Variants in ZC3H11A observed in about 807,000 individuals in gnomAD.
ZC3H11A encodes zinc finger CCCH-type containing 11A.
In ZC3H11A, 22 loss-of-function variants were observed where a neutral mutation model predicts 90.8. That is an observed-to-expected ratio of 0.24 (90% CI 0.17 to 0.35). The LOEUF is 0.35. Ranked by LOEUF, ZC3H11A falls within the 10% of genes least tolerant of loss-of-function variation. ZC3H11A has a pLI of 1.00. For synonymous variants in ZC3H11A, 294 were observed against 339.8 expected, an observed-to-expected ratio of 0.87 and a Z score of 1.48; for missense variants, 701 against 964.9, an observed-to-expected ratio of 0.73 and a Z score of 3.62.
At chr1:203,848,276 T>C in intron 13 of ZC3H11A, 55 bp from the exon 14 acceptor site, 2 of 1,428,396 alleles carry the variant, frequency 1.4e-6, no homozygotes, top group Non-Finnish European at 1.9e-6. Flanking sequence ...AACATATCTA[T>C]CATGAAGTTG....
chr1:203,826,653 G>T (rs1202212549), intron 4 of ZC3H11A, among the ~76,000 whole-genome samples: 1 of 152,032 alleles, frequency 6.6e-6, no homozygotes, highest in Non-Finnish European at 1.5e-5. Context: ...AATGGTTATT[G>T]TTTCTCTGTC....
intron 2 of ZC3H11A, among the ~76,000 whole-genome samples, chr1:203,809,434 C>T (rs1673586908): frequency 6.6e-6 from 1 of 151,982 alleles, no homozygotes; most frequent in South Asian, 2.1e-4. Context: ...CTCCGAAATC[C>T]CAGGTTGCTG....
chr1:203,805,870 A>C, intron 2 of ZC3H11A: 1 of 848,834 alleles, frequency 1.2e-6, no homozygotes, highest in Non-Finnish European at 2.0e-6. Context: ...CATGTCCACT[A>C]GCTGGTCTTG....
chr1:203,797,525 G>C, intron 1 of ZC3H11A: 1 of 1,496,618 alleles, frequency 6.7e-7, no homozygotes, highest in Non-Finnish European at 8.8e-7. Flanking sequence ...TAAAGAGAAT[G>C]AGTGTATGTA....
chr1:203,799,853 T>G (rs1243326520), intron 1 of ZC3H11A: 1 of 1,532,992 alleles, frequency 6.5e-7, no homozygotes, highest in African/African-American at 1.4e-5. Context: ...TTAAAAACAG[T>G]TTGGAAGACT....
chr1:203,817,285 T>G (rs192096361), intron 3 of ZC3H11A, among the ~76,000 whole-genome samples, 161 bp downstream of exon 3: 67 of 152,302 alleles, frequency 4.4e-4, no homozygotes, highest in Middle Eastern at 3.4e-3. Context: ...TTAGGGTAAT[T>G]CAGTGTTTTT....
chr1:203,831,782 G>T lies in ZC3H11A; in HGVS notation c.811+11G>T. 6.2e-7 allele frequency: 1 copy of T among 1,603,742 alleles called. No individual in the cohort carries two copies. Among genetic ancestry groups the T allele is most frequent in the Non-Finnish European group, 8.5e-7 (1 of 1,172,948 alleles). ...TCTCCACCAAACAAGGTAAGGTATA[G>T]ATAGGTCTTAGAGTTGTCAAGCCTC... On this transcript the variant is annotated intron_variant, in intron 9 of 17. Transcript: ENST00000367210.
intron 1 of ZC3H11A, chr1:203,796,351 T>G (rs1445307666): frequency 2.5e-6 from 1 of 398,514 alleles, no homozygotes; most frequent in African/African-American, 2.1e-5. Context: ...CCGACCTTAT[T>G]CCGGTATCCT....
intron 9 of ZC3H11A, among the ~76,000 whole-genome samples, chr1:203,833,539 A>AAAT (rs528391252): frequency 6.6e-6 from 1 of 151,476 alleles, no homozygotes; most frequent in African/African-American, 2.4e-5. Context: ...ATTATTATCA[A>AAAT]AATAATAATA....
chr1:203,796,410 C>T lies in ZC3H11A; in HGVS notation c.-1588+616C>T, dbSNP rs574221779. On this transcript the variant is annotated intron_variant, in intron 1 of 17. Transcript: ENST00000367210. ...CACTCCCACCCCTGGCCCTCAGCGTCGGAGTCAAGAGCAACAGGGACACTT... is the reference window on the plus strand; with the variant it reads ...CACTCCCACCCCTGGCCCTCAGCGTTGGAGTCAAGAGCAACAGGGACACTT... The T allele has an allele frequency of 1.5e-4, 61 of 399,090 alleles. 1 individual carries two copies. In the South Asian group the frequency reaches 4.8e-3, roughly 32 times the overall value. The allele number at this position is 399,090 out of a possible 1,614,324, so 24.7% of individuals were successfully genotyped here.
At chr1:203,831,950 C>T (rs547368471) in intron 9 of ZC3H11A, among the ~76,000 whole-genome samples, 179 bp downstream of exon 9, 5 of 152,302 alleles carry the variant, frequency 3.3e-5, no homozygotes, top group Non-Finnish European at 7.4e-5. Flanking sequence ...GGTTGAAATT[C>T]TTTGTCAAGC....
At chr1:203,796,437 C>T (rs1278309950) in intron 1 of ZC3H11A, 2 of 398,998 alleles carry the variant, frequency 5.0e-6, no homozygotes, top group African/African-American at 2.1e-5. Context: ...GGGACACTTC[C>T]GTTCTCCTTG....
At chr1:203,814,266 G>A (rs1342548511) in intron 2 of ZC3H11A, among the ~76,000 whole-genome samples, 1 of 152,180 alleles carries the variant, frequency 6.6e-6, no homozygotes, top group Non-Finnish European at 1.5e-5. Flanking sequence ...GCTCACACCT[G>A]TAATCCCAGC....
intron 1 of ZC3H11A, chr1:203,798,111 G>A (rs1343284470): frequency 3.9e-6 from 6 of 1,536,138 alleles, no homozygotes; most frequent in Non-Finnish European, 4.4e-6. Context: ...TAGTGGAGAG[G>A]AGGACTTTAC....
At chr1:203,828,914 ATAATC>A (rs570430201) in intron 5 of ZC3H11A, among the ~76,000 whole-genome samples, 1 of 152,234 alleles carries the variant, frequency 6.6e-6, no homozygotes, top group Non-Finnish European at 1.5e-5. Context: ...ACTCTAGACT[ATAATC>A]TAAAATAAAA....
At chr1:203,849,190 C>T (rs569425647) in intron 14 of ZC3H11A, among the ~76,000 whole-genome samples, 8 of 152,254 alleles carry the variant, frequency 5.3e-5, no homozygotes, top group Admixed American at 1.3e-4. Flanking sequence ...TGGCCTTCTT[C>T]GACCTTTTTG....
At chr1:203,825,076 C>T (rs375079295) in intron 4 of ZC3H11A, among the ~76,000 whole-genome samples, 1 of 108,988 alleles carries the variant, frequency 9.2e-6, no homozygotes, top group Non-Finnish European at 1.8e-5. Flanking sequence ...GACTCCGTCT[C>T]AAAAAAAAAA....
chr1:203,848,989 A>G (rs1688638316), intron 14 of ZC3H11A, among the ~76,000 whole-genome samples: 1 of 152,066 alleles, frequency 6.6e-6, no homozygotes, highest in South Asian at 2.1e-4. Flanking sequence ...GGTTCAAGCG[A>G]TTCTTGTGCC....
At chr1:203,815,241 G>A (rs185406979) in intron 2 of ZC3H11A, among the ~76,000 whole-genome samples, 209 of 76,540 alleles carry the variant, frequency 2.7e-3, no homozygotes, top group African/African-American at 0.011. Flanking sequence ...TTGAGACAGT[G>A]TCTCGCTCTG....
Sources: gnomAD v4.1 joint callset for allele counts (sites outside exome capture counted in the v4.1 genomes callset) on GRCh38, gnomAD v4.1.1 for gene constraint, MANE v1.5 for transcripts, NCBI Gene and HGNC (gene_info 2026-07-23, HGNC 2026-07-21) for gene names.